The following VWA3B variants were observed in gnomAD, a reference collection of about 807,000 sequenced individuals.
VWA3B encodes von Willebrand factor A domain-containing protein 3B.
VWA3B carries 138 observed loss-of-function variants against 158.3 expected under a neutral mutation model. The observed-to-expected ratio is 0.87, with a 90% CI of 0.76 to 1.00. The LOEUF (loss-of-function observed/expected upper bound fraction) is 1.00. Ranked by LOEUF, VWA3B falls within the 50% of genes least tolerant of loss-of-function variation. The probability of loss-of-function intolerance (pLI) is 0.00; values close to 1 mark genes in which losing one functional copy is unlikely to be tolerated. For synonymous variants in VWA3B, 596 were observed against 587.3 expected, an observed-to-expected ratio of 1.01 and a Z score of -0.21; for missense variants, 1,555 against 1,565.1, an observed-to-expected ratio of 0.99 and a Z score of 0.11.
chr2:98,194,696 A>C (rs981661180), intron 12 of VWA3B, among the ~76,000 whole-genome samples: 3 of 152,150 alleles, frequency 2.0e-5, no homozygotes, highest in Non-Finnish European at 4.4e-5. Flanking sequence ...TGAGCCTCTT[A>C]TTCTTATCTA....
At chr2:98,166,399 G>A (rs1483992728) in intron 8 of VWA3B, among the ~76,000 whole-genome samples, 1 of 152,080 alleles carries the variant, frequency 6.6e-6, no homozygotes, top group East Asian at 1.9e-4. Context: ...ATAAAAGGAG[G>A]GCCCTAATCT....
At chr2:98,214,963 C>T (rs1480811158) in intron 13 of VWA3B, among the ~76,000 whole-genome samples, 1 of 152,182 alleles carries the variant, frequency 6.6e-6, no homozygotes, top group African/African-American at 2.4e-5. Context: ...AAGCAACATT[C>T]CCGCAAGCAG....
intron 21 of VWA3B, among the ~76,000 whole-genome samples, chr2:98,267,722 A>T (rs1472874272): frequency 6.6e-6 from 1 of 152,060 alleles, no homozygotes; most frequent in Non-Finnish European, 1.5e-5. Context: ...AGACACAAAA[A>T]ACCCTTCAAA....
chr2:98,178,751 A>G (rs1680225478), intron 8 of VWA3B, among the ~76,000 whole-genome samples: 1 of 152,162 alleles, frequency 6.6e-6, no homozygotes. Flanking sequence ...ACCAGTTAAA[A>G]TAGAATCTAG....
At chr2:98,256,336 A>G (rs1219408762) in intron 21 of VWA3B, among the ~76,000 whole-genome samples, 162 bp downstream of exon 21, 1 of 152,072 alleles carries the variant, frequency 6.6e-6, no homozygotes, top group African/African-American at 2.4e-5. Context: ...TTACCCCAGA[A>G]AATCACTTTG....
rs1027291662 is a variant in VWA3B at position 98,135,546 on chromosome 2, G to A, written c.988+1607G>A. 1.2e-4 allele frequency among the ~76,000 whole-genome samples: 18 copies of A among 151,164 alleles called. No homozygotes were observed. In the East Asian group the frequency reaches 2.9e-3, roughly 25 times the overall value. On this transcript the variant is annotated intron_variant, in intron 7 of 27. Transcript: ENST00000477737. ...GAGACGGGGTTTCACCGTTTTAGCC[G>A]GGATGGTCTCGATCTCCTGACCTCG...
intron 19 of VWA3B, among the ~76,000 whole-genome samples, chr2:98,247,305 T>A (rs1686465126): frequency 6.6e-6 from 1 of 152,102 alleles, no homozygotes. Context: ...GCCAACAATT[T>A]TTTTTAACTA....
At chr2:98,248,972 CATT>C (rs1207309683) in intron 19 of VWA3B, among the ~76,000 whole-genome samples, 2 of 151,302 alleles carry the variant, frequency 1.3e-5, no homozygotes, top group Admixed American at 1.3e-4. Flanking sequence ...ACAACAATAA[CATT>C]ATTGTATCAT....
At chr2:98,183,245 T>G (rs1680744233) in intron 9 of VWA3B, among the ~76,000 whole-genome samples, 1 of 151,810 alleles carries the variant, frequency 6.6e-6, no homozygotes, top group Admixed American at 6.6e-5. Context: ...GTTTTATTTT[T>G]AGTCTTTGGG....
chr2:98,128,225 C>T lies in VWA3B; in HGVS notation c.703-14C>T, dbSNP rs1675537119. 6.2e-7 allele frequency: 1 copy of T among 1,612,988 alleles called. No individual in the cohort carries two copies. Among genetic ancestry groups the T allele is most frequent in the Non-Finnish European group, 8.5e-7 (1 of 1,179,090 alleles). On this transcript the variant is annotated splice_polypyrimidine_tract_variant and intron_variant, in intron 5 of 27. Transcript: ENST00000477737. ...ATGTGAGGGAGATAAACCGTTGGCA[C>T]CACTGTTTTGCAGATTGAATCCATT...
intron 2 of VWA3B, among the ~76,000 whole-genome samples, 196 bp downstream of exon 2, chr2:98,093,484 A>G (rs932612831): frequency 6.6e-6 from 1 of 152,244 alleles, no homozygotes; most frequent in Non-Finnish European, 1.5e-5. Flanking sequence ...CAATCCATGT[A>G]TTAAATAATG....
rs180838297 is a variant in VWA3B at position 98,208,348 on chromosome 2, T to C, written c.1738-3582T>C. 1.2e-3 allele frequency among the ~76,000 whole-genome samples: 189 copies of C among 152,308 alleles called. 1 individual carries two copies. The Middle Eastern group carries it at 0.02, about 16-fold the overall frequency. ...ATGTAATTGGTATATGTAGGTGATT[T>C]ATATGTAAAGTAATTATTCATATTT... is the stretch of plus-strand genomic sequence containing the variant. On this transcript the variant is annotated intron_variant, in intron 12 of 27. Transcript: ENST00000477737.
chr2:98,140,223 C>G (rs1351778830), intron 7 of VWA3B, among the ~76,000 whole-genome samples: 1 of 152,196 alleles, frequency 6.6e-6, no homozygotes, highest in Non-Finnish European at 1.5e-5. Flanking sequence ...TCAGTGAGAC[C>G]AAGAACCCAC....
chr2:98,112,278 TGG>T (rs1473361959), intron 2 of VWA3B, among the ~76,000 whole-genome samples: 3 of 104,466 alleles, frequency 2.9e-5, no homozygotes, highest in African/African-American at 2.0e-4. Context: ...TATGTCTGTT[TGG>T]GGTGTGTGTG....
chr2:98,172,026 C>A (rs1402069879), intron 8 of VWA3B, among the ~76,000 whole-genome samples: 1 of 152,200 alleles, frequency 6.6e-6, no homozygotes, highest in Non-Finnish European at 1.5e-5. Flanking sequence ...GTTTACAGCT[C>A]CTGCAGCCCC....
At chr2:98,317,428 G>A (rs369919201), downstream of VWA3B, among the ~76,000 whole-genome samples, 4 of 152,128 alleles carry the variant, frequency 2.6e-5, no homozygotes, top group African/African-American at 4.8e-5. Context: ...AGTGGGGGTC[G>A]GAGGTGCCTC....
At chr2:98,181,787 C>T (rs1406215436) in intron 9 of VWA3B, among the ~76,000 whole-genome samples, 1 of 152,230 alleles carries the variant, frequency 6.6e-6, no homozygotes, top group Non-Finnish European at 1.5e-5. Flanking sequence ...CAGTGCTCGA[C>T]AGCAGTGCTG....
At chr2:98,169,955 C>CA (rs1157792618) in intron 8 of VWA3B, among the ~76,000 whole-genome samples, 7 of 151,458 alleles carry the variant, frequency 4.6e-5, no homozygotes, top group South Asian at 2.1e-4. Context: ...CCCGCCTCAA[C>CA]AAAAAAAATG....
Position 98,303,690 on chromosome 2 carries a change from G to T in VWA3B, c.3421-12G>T. 6.2e-7 allele frequency: 1 copy of T among 1,611,816 alleles called. No individual in the cohort carries two copies. Among genetic ancestry groups the T allele is most frequent in the Non-Finnish European group, 8.5e-7 (1 of 1,177,990 alleles). ...GATTTAAGTTGAGTGAACTCTGTTG[G>T]TATTATTACAGGAATTTTGCCCTCG... On this transcript the variant is annotated splice_polypyrimidine_tract_variant and intron_variant, in intron 25 of 27. Coordinates refer to ENST00000477737, the MANE Select transcript of VWA3B (RefSeq NM_144992.5).
Sources: allele counts gnomAD v4.1 joint callset (sites outside exome capture counted in the v4.1 genomes callset), GRCh38; gene constraint gnomAD v4.1.1; transcripts MANE v1.5; gene names NCBI Gene and HGNC (gene_info 2026-07-23, HGNC 2026-07-21).